The following NLGN1 variants were observed in gnomAD, a reference collection of about 807,000 sequenced individuals.
The protein encoded by NLGN1 is neuroligin 1, also known as neuroligin-1.
In NLGN1, 12 loss-of-function variants were observed where a neutral mutation model predicts 65.5. That is an observed-to-expected ratio of 0.18 (90% CI 0.12 to 0.30). NLGN1 has a LOEUF of 0.30. NLGN1 is among the 10% of genes least tolerant of loss of function. NLGN1 has a pLI of 1.00. For synonymous variants in NLGN1, 350 were observed against 359.5 expected (o/e 0.97, Z 0.30); for missense variants, 750 against 1,007.1 (o/e 0.74, Z 3.46).
At chr3:174,019,843 T>TATA (rs1195387674) in intron 4 of NLGN1, among the ~76,000 whole-genome samples, 1 of 152,116 alleles carries the variant, frequency 6.6e-6, no homozygotes, top group African/African-American at 2.4e-5. Flanking sequence ...AATAGTAATA[T>TATA]ATAAATAGCA....
chr3:173,834,840 C>G (rs577614902), intron 4 of NLGN1, among the ~76,000 whole-genome samples: 11 of 152,162 alleles, frequency 7.2e-5, no homozygotes, highest in African/African-American at 2.7e-4. Context: ...TCTCATTCAT[C>G]AAGGGAAAAA....
At chr3:173,763,095 A>G (rs1778237870) in intron 3 of NLGN1, among the ~76,000 whole-genome samples, 1 of 152,014 alleles carries the variant, frequency 6.6e-6, no homozygotes, top group Admixed American at 6.6e-5. Context: ...ATTTGGAGAA[A>G]TGGACAAAGC....
At chr3:174,017,851 A>G (rs1365289576) in intron 4 of NLGN1, among the ~76,000 whole-genome samples, 1 of 152,156 alleles carries the variant, frequency 6.6e-6, no homozygotes, top group African/African-American at 2.4e-5. Flanking sequence ...AAAATTGCTA[A>G]TGAAGTTTCG....
intron 2 of NLGN1, among the ~76,000 whole-genome samples, chr3:173,535,227 T>C (rs549710167): frequency 1.3e-5 from 2 of 152,358 alleles, no homozygotes; most frequent in South Asian, 4.1e-4. Context: ...GCTGACCTTC[T>C]TTACATCAAA....
chr3:173,956,179 A>G (rs900859902), intron 4 of NLGN1, among the ~76,000 whole-genome samples: 24 of 152,262 alleles, frequency 1.6e-4, no homozygotes, highest in African/African-American at 5.8e-4. Context: ...TTTTAAAATA[A>G]ATAAATCAAG....
In NLGN1 at chr3:173,826,104, A is replaced by G. The variant is rs143769449; in HGVS notation, c.646+18272A>G. 4.8e-3 allele frequency among the ~76,000 whole-genome samples: 731 copies of G among 152,200 alleles called. 4 individuals are homozygous for G. Among genetic ancestry groups the G allele is most frequent in the Middle Eastern group, 0.01 (3 of 294 alleles). On this transcript the variant is annotated intron_variant, in intron 4 of 6. Transcript: ENST00000457714. Reference sequence around the variant, plus strand: ...GTAGGAGGATGTTTCTCTGTCAGCCATGATAGGCAACATTCTGCTGCAGGA... The same window carrying G: ...GTAGGAGGATGTTTCTCTGTCAGCCGTGATAGGCAACATTCTGCTGCAGGA...
At chr3:174,025,145 T>C (rs1728606170) in intron 4 of NLGN1, among the ~76,000 whole-genome samples, 1 of 152,200 alleles carries the variant, frequency 6.6e-6, no homozygotes, top group African/African-American at 2.4e-5. Flanking sequence ...AATCATAAAT[T>C]TATGTAGAAT....
intron 4 of NLGN1, among the ~76,000 whole-genome samples, chr3:174,124,597 ATACATATATACGTATATATACG>A (rs1357436484): frequency 1.1e-4 from 9 of 80,726 alleles, no homozygotes; most frequent in African/African-American, 1.1e-3. Flanking sequence ...ATATATACGT[ATACATATATACGTATATATACG>A]TATACACATA....
chr3:173,397,532 C>G (rs1716823252), upstream of NLGN1, among the ~76,000 whole-genome samples: 1 of 151,768 alleles, frequency 6.6e-6, no homozygotes, highest in Non-Finnish European at 1.5e-5. Flanking sequence ...TTCTCTCCCC[C>G]ACTCCACTCC....
At chr3:173,550,392 T>TA (rs1740636848) in intron 2 of NLGN1, among the ~76,000 whole-genome samples, 2 of 152,076 alleles carry the variant, frequency 1.3e-5, no homozygotes, top group Non-Finnish European at 1.5e-5. Context: ...CTGCTGTTAT[T>TA]ATATCCTCCA....
chr3:174,199,624 T>C (rs1734079880), intron 4 of NLGN1, among the ~76,000 whole-genome samples: 1 of 151,882 alleles, frequency 6.6e-6, no homozygotes, highest in Non-Finnish European at 1.5e-5. Flanking sequence ...TTGCCTGAGG[T>C]AAGGACAGAG....
chr3:173,994,077 AC>A (rs1206279529), intron 4 of NLGN1, among the ~76,000 whole-genome samples: 1 of 152,118 alleles, frequency 6.6e-6, no homozygotes, highest in African/African-American at 2.4e-5. Flanking sequence ...TGGAAAAATA[AC>A]CTAAAGTTGA....
At chr3:174,150,137 T>C (rs1724050591) in intron 4 of NLGN1, among the ~76,000 whole-genome samples, 1 of 152,286 alleles carries the variant, frequency 6.6e-6, no homozygotes, top group Admixed American at 6.5e-5. Context: ...GCTAGTAACA[T>C]GGACAATATA....
chr3:174,283,240 C>T (rs376591084), exon 7 of NLGN1: 29 of 151,228 alleles, frequency 1.9e-4, no homozygotes, highest in African/African-American at 6.8e-4. Context: ...GTAACTTCCA[C>T]AGAAAACACA....
intron 4 of NLGN1, among the ~76,000 whole-genome samples, chr3:174,038,751 T>C (rs1276940739): frequency 6.6e-6 from 1 of 152,208 alleles, no homozygotes; most frequent in Non-Finnish European, 1.5e-5. Context: ...TATTATGTTC[T>C]GGGTATTCAG....
At chr3:174,117,569 C>T (rs1490982503) in intron 4 of NLGN1, among the ~76,000 whole-genome samples, 2 of 150,638 alleles carry the variant, frequency 1.3e-5, no homozygotes, top group Admixed American at 6.6e-5. Flanking sequence ...GGCAGTGAGC[C>T]GAGATCACGC....
chr3:173,450,556 TGAG>T (rs1721302795), intron 2 of NLGN1, among the ~76,000 whole-genome samples: 1 of 152,116 alleles, frequency 6.6e-6, no homozygotes, highest in Non-Finnish European at 1.5e-5. Flanking sequence ...TTGCTCTTCT[TGAG>T]GAGTATCTTT....
intron 4 of NLGN1, among the ~76,000 whole-genome samples, chr3:174,037,876 G>A (rs2152484490): frequency 6.7e-6 from 1 of 149,716 alleles, no homozygotes; most frequent in East Asian, 1.9e-4. Context: ...TGACGGTGTG[G>A]TGAAACATTA....
rs182227595 is a variant in NLGN1 at position 173,925,940 on chromosome 3, C to G, written c.646+118108C>G. ...ACTCCAATTAGAAAGCAAAGATTTT[C>G]AAAAAGCATACATGCCATTCAAAAC... On this transcript the variant is annotated intron_variant, in intron 4 of 6. Coordinates refer to ENST00000457714, the Ensembl canonical transcript of NLGN1. Among the ~76,000 whole-genome samples the G allele has an allele frequency of 6.7e-3, 1,020 of 152,056 alleles. 7 individuals are homozygous for G. Among genetic ancestry groups the G allele is most frequent in the Non-Finnish European group, 0.012 (826 of 67,944 alleles).
Sources: allele counts gnomAD v4.1 joint callset (sites outside exome capture counted in the v4.1 genomes callset), GRCh38; gene constraint gnomAD v4.1.1; transcripts MANE v1.5; gene names NCBI Gene and HGNC (gene_info 2026-07-23, HGNC 2026-07-21).